The following ADGRL3 variants were observed in gnomAD, a reference collection of about 807,000 sequenced individuals.
The protein encoded by ADGRL3 is calcium-independent alpha-latrotoxin receptor 3.
ADGRL3 carries 62 observed loss-of-function variants against 153.5 expected under a neutral mutation model. That is an observed-to-expected ratio of 0.40 (90% CI 0.33 to 0.50). ADGRL3 has a LOEUF of 0.50. Ranked by LOEUF, ADGRL3 falls within the 20% of genes least tolerant of loss-of-function variation. ADGRL3 has a pLI of 0.47. For synonymous variants in ADGRL3, 710 were observed against 672.5 expected, an observed-to-expected ratio of 1.06 and a Z score of -0.86; for missense variants, 1,641 against 1,859.4, an observed-to-expected ratio of 0.88 and a Z score of 2.16.
intron 7 of ADGRL3, among the ~76,000 whole-genome samples, chr4:61,731,984 C>T (rs1018914891): frequency 6.6e-6 from 1 of 152,108 alleles, no homozygotes; most frequent in African/African-American, 2.4e-5. Context: ...TAATGCTCTT[C>T]TCATGTAACA....
intron 1 of ADGRL3, among the ~76,000 whole-genome samples, chr4:61,356,739 C>A (rs2096179623): frequency 6.6e-6 from 1 of 151,918 alleles, no homozygotes; most frequent in South Asian, 2.1e-4. Flanking sequence ...AACAAAATGG[C>A]TTGGAAATAC....
chr4:61,994,575 A>G (rs2099115361), intron 19 of ADGRL3, among the ~76,000 whole-genome samples: 1 of 152,100 alleles, frequency 6.6e-6, no homozygotes, highest in Non-Finnish European at 1.5e-5. Context: ...GGAAGCCAAA[A>G]ACCATAATAA....
At chr4:62,007,383 T>TATATATATATATATATATACACACACAC (rs71213024) in intron 21 of ADGRL3, among the ~76,000 whole-genome samples, 1 of 30,782 alleles carries the variant, frequency 3.2e-5, no homozygotes, top group Non-Finnish European at 6.5e-5. Context: ...TATATATATA[T>TATATATATATATATATATACACACACAC]ACACACACAC....
intron 3 of ADGRL3, among the ~76,000 whole-genome samples, chr4:61,498,808 T>G (rs770704575): frequency 7.7e-4 from 117 of 152,296 alleles, no homozygotes; most frequent in Non-Finnish European, 1.5e-3. Flanking sequence ...TAGAGTAATA[T>G]TCACTGAATC....
rs571868980 is a variant in ADGRL3 at position 61,212,628 on chromosome 4, A to G, written c.-240+10863A>G. On this transcript the variant is annotated intron_variant, in intron 1 of 26. Coordinates refer to ENST00000683033, the MANE Select transcript of ADGRL3 (RefSeq NM_001387552.1). ...GGAATACTCCTAAATTTATTATTTTACTTTTCATGTATTCAAAAAAGAAAG... is the reference window on the plus strand; with the variant it reads ...GGAATACTCCTAAATTTATTATTTTGCTTTTCATGTATTCAAAAAAGAAAG... Among the ~76,000 whole-genome samples the G allele has an allele frequency of 2.0e-5, 3 of 152,292 alleles. No homozygotes were observed. In the South Asian group the frequency reaches 6.2e-4, roughly 32 times the overall value.
intron 10 of ADGRL3, among the ~76,000 whole-genome samples, chr4:61,894,779 C>G (rs972890729): frequency 6.6e-6 from 1 of 152,186 alleles, no homozygotes; most frequent in Non-Finnish European, 1.5e-5. Context: ...ATAGCTTCCT[C>G]ACCATCACGC....
chr4:61,928,135 G>A (rs973956749), intron 13 of ADGRL3, among the ~76,000 whole-genome samples: 4 of 151,852 alleles, frequency 2.6e-5, no homozygotes, highest in African/African-American at 4.8e-5. Context: ...TTTAAAAAGT[G>A]GAAGTAGAGT....
At chr4:61,827,020 G>A (rs1466064674) in intron 9 of ADGRL3, among the ~76,000 whole-genome samples, 2 of 152,064 alleles carry the variant, frequency 1.3e-5, no homozygotes, top group Admixed American at 1.3e-4. Context: ...AGTCCCGTGG[G>A]CAAAATGGGT....
Position 61,203,626 on chromosome 4 carries a change from G to C in ADGRL3, c.-240+1861G>C, listed in dbSNP as rs145238727. Reference sequence around the variant, plus strand: ...TCATCACTAGTTAAAGAATGTCATCGTAGAATCTGCAAAGAAACACTTCTT... The same window carrying C: ...TCATCACTAGTTAAAGAATGTCATCCTAGAATCTGCAAAGAAACACTTCTT... On this transcript the variant is annotated intron_variant, in intron 1 of 26. Transcript: ENST00000683033. Among the ~76,000 whole-genome samples, 4 of 152,302 alleles carry C rather than the reference G, an allele frequency of 2.6e-5. No homozygotes were observed. In the East Asian group the frequency reaches 7.7e-4, roughly 29 times the overall value.
chr4:61,990,952 CTG>C (rs34294452), intron 19 of ADGRL3, among the ~76,000 whole-genome samples: 16,067 of 142,134 alleles, frequency 0.11, 917 homozygotes, highest in South Asian at 0.23. Context: ...ATGTTTGAAA[CTG>C]TGTGTGTGTG....
At chr4:61,755,935 T>A (rs2096824110) in intron 8 of ADGRL3, among the ~76,000 whole-genome samples, 1 of 152,188 alleles carries the variant, frequency 6.6e-6, no homozygotes, top group African/African-American at 2.4e-5. Context: ...GTTGTAGATA[T>A]GCGGCATTAT....
chr4:61,892,708 C>A lies in ADGRL3; in HGVS notation c.1533C>A (p.Thr511=). Residue 511 remains threonine (T), a synonymous_variant, in exon 10 of 27, where the codon ACC becomes ACA. Transcript: ENST00000683033. ...TGGGAAGCACTACCACCAGTACCACCCTTCGGACCACAACTTTGAGCCCAG... is the reference window on the plus strand; with the variant it reads ...TGGGAAGCACTACCACCAGTACCACACTTCGGACCACAACTTTGAGCCCAG... ...LGMGSTTTST[T]LRTTTLSPGR... 6.2e-7 allele frequency: 1 copy of A among 1,613,942 alleles called. No individual in the cohort carries two copies. The highest frequency in any genetic ancestry group is 8.5e-7 in the Non-Finnish European group (1 of 1,179,848).
At chr4:61,567,517 G>A (rs1185180240) in intron 4 of ADGRL3, among the ~76,000 whole-genome samples, 6 of 152,140 alleles carry the variant, frequency 3.9e-5, no homozygotes, top group East Asian at 1.9e-4. Context: ...AGAAGATGCC[G>A]TCTATGAGGA....
chr4:61,585,461 C>T (rs2098942524), intron 4 of ADGRL3, among the ~76,000 whole-genome samples: 1 of 151,920 alleles, frequency 6.6e-6, no homozygotes, highest in Admixed American at 6.6e-5. Flanking sequence ...TTTCACCTCC[C>T]TGCCTCTCTC....
chr4:62,055,354 A>G (rs1736441114), intron 25 of ADGRL3, among the ~76,000 whole-genome samples: 1 of 151,840 alleles, frequency 6.6e-6, no homozygotes, highest in Admixed American at 6.6e-5. Context: ...ATGGATTCCC[A>G]GTGAATGAAT....
At chr4:62,050,762 C>T (rs1483103888) in intron 25 of ADGRL3, among the ~76,000 whole-genome samples, 1 of 151,810 alleles carries the variant, frequency 6.6e-6, no homozygotes, top group Non-Finnish European at 1.5e-5. Flanking sequence ...TGCCCCAAAG[C>T]TTTGCTGTTC....
chr4:61,924,038 T>C (rs1283883573), intron 13 of ADGRL3, among the ~76,000 whole-genome samples: 1 of 152,044 alleles, frequency 6.6e-6, no homozygotes, highest in African/African-American at 2.4e-5. Context: ...TCTCCTCTCA[T>C]TCTCCCTTAA....
intron 8 of ADGRL3, among the ~76,000 whole-genome samples, chr4:61,785,556 A>G (rs1211097799): frequency 1.3e-5 from 2 of 152,184 alleles, no homozygotes; most frequent in African/African-American, 2.4e-5. Context: ...GACTGATAAT[A>G]TAGCTGACTT....
At chr4:61,919,522 GT>G (rs758609410) in intron 13 of ADGRL3, among the ~76,000 whole-genome samples, 1 of 152,094 alleles carries the variant, frequency 6.6e-6, no homozygotes, top group African/African-American at 2.4e-5. Context: ...GAGTACTGTA[GT>G]TTTTTTCAGA....
Sources: allele counts gnomAD v4.1 joint callset (sites outside exome capture counted in the v4.1 genomes callset), GRCh38; gene constraint gnomAD v4.1.1; transcripts MANE v1.5; gene names NCBI Gene and HGNC (gene_info 2026-07-23, HGNC 2026-07-21).